The following GABBR2 variants were observed in gnomAD, a reference collection of about 807,000 sequenced individuals.
GABBR2 encodes the protein gamma-aminobutyric acid type B receptor subunit 2.
GABBR2 carries 23 observed loss-of-function variants against 105.6 expected under a neutral mutation model. The observed-to-expected ratio is 0.22, with a 90% CI of 0.16 to 0.31. The LOEUF is 0.31. Among genes scored for constraint, GABBR2 ranks in the 10% least tolerant of loss-of-function variants. The pLI, the probability that GABBR2 is intolerant of heterozygous loss-of-function variation, is 1.00. For missense variants in GABBR2, 734 were observed against 1,245.5 expected, an observed-to-expected ratio of 0.59 and a Z score of 6.18; for synonymous variants, 478 against 499.7, an observed-to-expected ratio of 0.96 and a Z score of 0.58.
chr9:98,340,872 C>T (rs1831199619), intron 13 of GABBR2, among the ~76,000 whole-genome samples: 1 of 152,158 alleles, frequency 6.6e-6, no homozygotes. Context: ...TCTTTTTGCT[C>T]AGGAACAAAA....
chr9:98,301,226 G>A lies in GABBR2; in HGVS notation c.2413-1873C>T, dbSNP rs1349340913. ...CCTGACTTATGACTGGTATCTGAGG[G>A]TAGGGTGGGGGTCAGGGGGAGCCTT... is the stretch of plus-strand genomic sequence containing the variant. On this transcript the variant is annotated intron_variant, in intron 16 of 18. Coordinates refer to ENST00000259455, the MANE Select transcript of GABBR2 (RefSeq NM_005458.8). 5.3e-5 allele frequency among the ~76,000 whole-genome samples: 8 copies of A among 152,198 alleles called. No individual in the cohort carries two copies. The East Asian group carries it at 1.5e-3, about 29-fold the overall frequency.
Position 98,496,459 on chromosome 9 carries a change from G to T in GABBR2, c.686C>A (p.Thr229Asn), listed in dbSNP as rs1226110621. 6.2e-7 allele frequency: 1 copy of T among 1,613,160 alleles called. No homozygotes were observed. The highest frequency in any genetic ancestry group is 1.7e-5 in the Admixed American group (1 of 60,010). Reference protein sequence around the residue: ...LYGEDIEISDTESFSNDPCTS... With the variant: ...LYGEDIEISDNESFSNDPCTS... Reference sequence around the variant, plus strand: ...ACAGGGATCGTTGGAGAAGCTCTCGGTGTCTGAAATCTCAATGTCCTCGCC... The same window carrying T: ...ACAGGGATCGTTGGAGAAGCTCTCGTTGTCTGAAATCTCAATGTCCTCGCC... The change falls in exon 4 of 19, where the codon ACC becomes AAC. Residue 229 changes from threonine (T) to asparagine (N), a missense_variant. Thr to Asn is a moderately conservative substitution (Grantham distance 65, BLOSUM62 0). Around this residue, in one of 7 missense-constraint regions of GABBR2, gnomAD observed 370 missense variants for 648.9 expected, o/e 0.57. Coordinates refer to ENST00000259455, the MANE Select transcript of GABBR2 (RefSeq NM_005458.8).
Position 98,510,848 on chromosome 9 carries a change from A to G in GABBR2, c.631-14334T>C, listed in dbSNP as rs1827624022. Among the ~76,000 whole-genome samples, 3 of 152,200 alleles carry G rather than the reference A, an allele frequency of 2.0e-5. No individual in the cohort carries two copies. In the South Asian group the frequency reaches 6.2e-4, roughly 32 times the overall value. ...GAGACTTTAACACCCCACTGTCAAC[A>G]TTAGAAAGATCAACGAGGATACCCA... On this transcript the variant is annotated intron_variant, in intron 3 of 18. Transcript: ENST00000259455.
intron 16 of GABBR2, among the ~76,000 whole-genome samples, chr9:98,301,805 T>C (rs746034445): frequency 2.6e-5 from 4 of 152,190 alleles, no homozygotes; most frequent in Non-Finnish European, 1.5e-5. Context: ...ACAGAGCCTG[T>C]AATGGGCTTT....
chr9:98,587,543 T>TA (rs1276847834), intron 1 of GABBR2, among the ~76,000 whole-genome samples: 1 of 152,054 alleles, frequency 6.6e-6, no homozygotes, highest in Non-Finnish European at 1.5e-5. Context: ...GGACTTGTGG[T>TA]AAAAAAGGAG....
At position 98,288,702 on chromosome 9, in the gene GABBR2, A is replaced by G. The variant is rs1379053042; in HGVS notation, c.*1882T>C. 1 of 152,684 alleles carries G rather than the reference A, an allele frequency of 6.5e-6. No individual in the cohort carries two copies. Among genetic ancestry groups the G allele is most frequent in the Non-Finnish European group, 1.5e-5 (1 of 68,054 alleles). 9.5% of individuals were successfully genotyped at this position (152,684 alleles called of 1,614,324 possible). A position where few individuals can be genotyped will look rare whatever the true frequency, so the allele number is the denominator to read the frequency against. On this transcript the variant is annotated 3_prime_UTR_variant, in exon 19 of 19. Coordinates refer to ENST00000259455, the MANE Select transcript of GABBR2 (RefSeq NM_005458.8). ...CAACACCGATTTTTAGTGCCTAAAC[A>G]GAGAATGACTTCAACTTGACCTGTG...
intron 3 of GABBR2, among the ~76,000 whole-genome samples, chr9:98,511,483 A>C (rs182130843): frequency 2.1e-5 from 3 of 141,622 alleles, no homozygotes; most frequent in South Asian, 4.8e-4. Flanking sequence ...TTTTTTGAAA[A>C]GATCAACAAA....
intron 1 of GABBR2, among the ~76,000 whole-genome samples, chr9:98,611,795 T>G (rs1454108278): frequency 6.6e-6 from 1 of 152,210 alleles, no homozygotes; most frequent in Non-Finnish European, 1.5e-5. Flanking sequence ...TCTGTCTGCC[T>G]CACTAGACCT....
At position 98,597,949 on chromosome 9, in the gene GABBR2, T is replaced by C. The variant is rs980616498; in HGVS notation, c.322-19877A>G. On this transcript the variant is annotated intron_variant, in intron 1 of 18. Coordinates refer to ENST00000259455, the MANE Select transcript of GABBR2 (RefSeq NM_005458.8). ...AACTCTACTGCCTCAGCCTTCCAAG[T>C]AGCTGGGATTTACATGTGTGCACCA... is the stretch of plus-strand genomic sequence containing the variant. Among the ~76,000 whole-genome samples, 87 of 152,200 alleles carry C rather than the reference T, an allele frequency of 5.7e-4. 1 individual carries two copies. The highest frequency in any genetic ancestry group is 2.1e-3 in the African/African-American group (86 of 41,554).
At chr9:98,626,695 T>C (rs1351122863) in intron 1 of GABBR2, among the ~76,000 whole-genome samples, 2 of 152,194 alleles carry the variant, frequency 1.3e-5, no homozygotes, top group Non-Finnish European at 2.9e-5. Context: ...TCTAGATGAG[T>C]GCTTGCTGTT....
chr9:98,354,292 T>C (rs1467349457), intron 13 of GABBR2, among the ~76,000 whole-genome samples: 1 of 152,218 alleles, frequency 6.6e-6, no homozygotes, highest in African/African-American at 2.4e-5. Context: ...CCTAGGATTT[T>C]TGAAATGGGA....
chr9:98,384,418 C>T lies in GABBR2; in HGVS notation c.1662+1222G>A, dbSNP rs145791259. On this transcript the variant is annotated intron_variant, in intron 11 of 18. Transcript: ENST00000259455. ...CCATCCTGACCAACATGGAGAAACC[C>T]CGTCTCTACTAAAAATATAAAATTA... is the stretch of plus-strand genomic sequence containing the variant. Among the ~76,000 whole-genome samples the T allele has an allele frequency of 4.0e-4, 61 of 152,148 alleles. No individual in the cohort carries two copies. The East Asian group carries it at 8.5e-3, about 21-fold the overall frequency.
At chr9:98,399,956 C>T (rs776229860) in intron 8 of GABBR2, among the ~76,000 whole-genome samples, 4 of 150,748 alleles carry the variant, frequency 2.7e-5, no homozygotes, top group South Asian at 2.1e-4. Flanking sequence ...GCAGGAGGAT[C>T]GCTTCAGGCC....
chr9:98,601,958 T>C (rs1250593764), intron 1 of GABBR2, among the ~76,000 whole-genome samples: 3 of 152,192 alleles, frequency 2.0e-5, no homozygotes, highest in Non-Finnish European at 4.4e-5. Context: ...GCTGAGTTGC[T>C]GAGTTGGTTT....
intron 2 of GABBR2, among the ~76,000 whole-genome samples, chr9:98,577,228 A>AT (rs769775744): frequency 6.6e-5 from 10 of 151,014 alleles, no homozygotes; most frequent in South Asian, 2.1e-4. Flanking sequence ...GGATGGATGG[A>AT]GCAAAAAAGT....
chr9:98,430,214 C>T (rs12115649), intron 7 of GABBR2, among the ~76,000 whole-genome samples: 1,517 of 147,264 alleles, frequency 0.01, 20 homozygotes, highest in African/African-American at 0.036. Context: ...CGCTTGAACC[C>T]GGGAGGTGGA....
At chr9:98,474,072 A>C (rs1826741340) in intron 5 of GABBR2, among the ~76,000 whole-genome samples, 1 of 152,176 alleles carries the variant, frequency 6.6e-6, no homozygotes, top group African/African-American at 2.4e-5. Context: ...AAATTCCCTT[A>C]CATTTTTATA....
At chr9:98,385,169 C>T (rs1484982034) in intron 11 of GABBR2, among the ~76,000 whole-genome samples, 1 of 152,168 alleles carries the variant, frequency 6.6e-6, no homozygotes, top group East Asian at 1.9e-4. Context: ...TCTGTCAATT[C>T]TCAGTGGGCT....
chr9:98,703,698 C>G (rs1359090212), intron 1 of GABBR2, among the ~76,000 whole-genome samples: 1 of 151,946 alleles, frequency 6.6e-6, no homozygotes, highest in Non-Finnish European at 1.5e-5. Context: ...CCCTATGTTG[C>G]TCAGGCTGGT....
Sources: allele counts gnomAD v4.1 joint callset (sites outside exome capture counted in the v4.1 genomes callset), GRCh38; gene constraint gnomAD v4.1.1; regional missense constraint gnomAD v4.1.1; transcripts MANE v1.5; gene names NCBI Gene and HGNC (gene_info 2026-07-23, HGNC 2026-07-21).